Variants in ZNF385B observed in about 807,000 individuals in gnomAD.
The protein encoded by ZNF385B is zinc finger protein 533.
Under a neutral mutation model 39.2 loss-of-function variants are expected in ZNF385B, and 23 were observed. That is an observed-to-expected ratio of 0.59 (90% confidence interval 0.42 to 0.83). ZNF385B has a LOEUF of 0.83. Among genes scored for constraint, ZNF385B ranks in the 40% least tolerant of loss-of-function variants. ZNF385B has a pLI of 0.00. For synonymous variants in ZNF385B, 205 were observed against 222.6 expected (o/e 0.92, Z 0.70); for missense variants, 552 against 598.9 (o/e 0.92, Z 0.82).
intron 1 of ZNF385B, among the ~76,000 whole-genome samples, chr2:179,803,481 T>C (rs1313956434): frequency 6.6e-6 from 1 of 152,174 alleles, no homozygotes; most frequent in Non-Finnish European, 1.5e-5. Flanking sequence ...ACATCAGCTG[T>C]TTATATAAAA....
At chr2:179,637,775 A>G (rs1483094066) in intron 3 of ZNF385B, among the ~76,000 whole-genome samples, 2 of 152,222 alleles carry the variant, frequency 1.3e-5, no homozygotes, top group East Asian at 1.9e-4. Flanking sequence ...CCAGAGACAG[A>G]TTGTTAATCA....
rs528535181 is a variant in ZNF385B at position 179,477,638 on chromosome 2, T to G, written c.715+5634A>C. Among the ~76,000 whole-genome samples, 4 of 152,198 alleles carry G rather than the reference T, an allele frequency of 2.6e-5. No homozygotes were observed. The East Asian group carries it at 7.7e-4, about 29-fold the overall frequency. On this transcript the variant is annotated intron_variant, in intron 6 of 9. Transcript: ENST00000410066. ...TGGAGGCAGGGCATGCCTTCTAACA[T>G]GCTGCAATGCCCTGTCTCAGTGTTA...
At chr2:179,555,484 G>A (rs2060847651) in intron 3 of ZNF385B, among the ~76,000 whole-genome samples, 1 of 149,376 alleles carries the variant, frequency 6.7e-6, no homozygotes, top group Admixed American at 6.7e-5. Flanking sequence ...TTTTCTGTAT[G>A]TTATAAATGA....
chr2:179,681,810 T>C (rs1261896567), intron 3 of ZNF385B, among the ~76,000 whole-genome samples: 1 of 152,210 alleles, frequency 6.6e-6, no homozygotes, highest in Non-Finnish European at 1.5e-5. Flanking sequence ...ACAAACTTTA[T>C]GGAAGAACGT....
chr2:179,593,393 G>C (rs957635637), intron 3 of ZNF385B, among the ~76,000 whole-genome samples: 2 of 152,018 alleles, frequency 1.3e-5, no homozygotes, highest in Non-Finnish European at 2.9e-5. Context: ...CAAGGAATAC[G>C]TTTGATGAAA....
intron 3 of ZNF385B, among the ~76,000 whole-genome samples, chr2:179,739,913 C>T (rs546200478): frequency 8.5e-5 from 13 of 152,054 alleles, no homozygotes; most frequent in African/African-American, 2.4e-4. Flanking sequence ...AAAGTAGCTA[C>T]GTACTTAAAT....
intron 6 of ZNF385B, among the ~76,000 whole-genome samples, chr2:179,477,705 G>A (rs1478058816): frequency 6.6e-6 from 1 of 152,106 alleles, no homozygotes; most frequent in Non-Finnish European, 1.5e-5. Flanking sequence ...GACATGTAAA[G>A]TCTGTAACTG....
chr2:179,706,017 G>C (rs747519258), intron 3 of ZNF385B, among the ~76,000 whole-genome samples: 1 of 152,146 alleles, frequency 6.6e-6, no homozygotes, highest in Non-Finnish European at 1.5e-5. Context: ...TACAGCAGAT[G>C]CTCCTGAAAG....
chr2:179,474,895 T>C (rs903264809), intron 6 of ZNF385B, among the ~76,000 whole-genome samples: 2 of 152,212 alleles, frequency 1.3e-5, no homozygotes, highest in Non-Finnish European at 2.9e-5. Context: ...TCTTTTACAA[T>C]CATTTCATTT....
At chr2:179,722,659 T>A (rs543865584) in intron 3 of ZNF385B, among the ~76,000 whole-genome samples, 49 of 152,176 alleles carry the variant, frequency 3.2e-4, no homozygotes, top group Admixed American at 2.7e-3. Flanking sequence ...AATCTCAAGG[T>A]AGAGAAACAC....
At chr2:179,483,640 C>T (rs997465851) in intron 5 of ZNF385B, among the ~76,000 whole-genome samples, 2 of 152,134 alleles carry the variant, frequency 1.3e-5, no homozygotes, top group East Asian at 1.9e-4. Context: ...ATACAAAGGA[C>T]CTGCATCTTT....
At chr2:179,735,766 G>A (rs1470887530) in intron 3 of ZNF385B, among the ~76,000 whole-genome samples, 1 of 150,992 alleles carries the variant, frequency 6.6e-6, no homozygotes, top group Non-Finnish European at 1.5e-5. Flanking sequence ...ATCATTCTCA[G>A]TAAACTATCT....
chr2:179,807,914 GA>G (rs1706472908), intron 1 of ZNF385B, among the ~76,000 whole-genome samples: 1 of 149,558 alleles, frequency 6.7e-6, no homozygotes, highest in East Asian at 2.0e-4. Context: ...AAGAAAGAAA[GA>G]AAGAAAGAAA....
At chr2:179,613,137 G>T (rs77654132) in intron 3 of ZNF385B, among the ~76,000 whole-genome samples, 3 of 152,250 alleles carry the variant, frequency 2.0e-5, no homozygotes, top group African/African-American at 7.2e-5. Context: ...TGGGCAATGG[G>T]CTCCCCTATG....
intron 3 of ZNF385B, among the ~76,000 whole-genome samples, chr2:179,738,072 C>T (rs1191702558): frequency 6.6e-6 from 1 of 152,178 alleles, no homozygotes; most frequent in Non-Finnish European, 1.5e-5. Flanking sequence ...GCCTAAGTCA[C>T]AATCTGCCTT....
intron 3 of ZNF385B, among the ~76,000 whole-genome samples, chr2:179,570,209 G>A (rs1333226298): frequency 6.6e-6 from 1 of 152,188 alleles, no homozygotes; most frequent in East Asian, 1.9e-4. Flanking sequence ...CAACACCAAC[G>A]TACCACTCCT....
At chr2:179,852,561 G>A (rs897436461) in intron 1 of ZNF385B, among the ~76,000 whole-genome samples, 10 of 152,086 alleles carry the variant, frequency 6.6e-5, no homozygotes, top group Admixed American at 2.0e-4. Flanking sequence ...TGCGGCAGGC[G>A]TCCAGTGGTT....
chr2:179,826,424 C>T lies in ZNF385B; in HGVS notation c.-155+34677G>A, dbSNP rs115873279. 5.7e-3 allele frequency among the ~76,000 whole-genome samples: 865 copies of T among 152,256 alleles called. 14 individuals are homozygous for T. The highest frequency in any genetic ancestry group is 0.02 in the African/African-American group (838 of 41,544). Reference sequence around the variant, plus strand: ...ACAATGAAAAGACACCATTCTAACTCTCACTTGATGACTGATTTCATTCCT... The same window carrying T: ...ACAATGAAAAGACACCATTCTAACTTTCACTTGATGACTGATTTCATTCCT... On this transcript the variant is annotated intron_variant, in intron 1 of 9. Coordinates refer to ENST00000410066, the MANE Select transcript of ZNF385B (RefSeq NM_152520.6).
chr2:179,575,254 TAATA>T, intron 3 of ZNF385B, among the ~76,000 whole-genome samples: 1 of 152,042 alleles, frequency 6.6e-6, no homozygotes, highest in Non-Finnish European at 1.5e-5. Context: ...CATCCTGTGA[TAATA>T]AAACATATAT....
Sources: allele counts gnomAD v4.1 joint callset (sites outside exome capture counted in the v4.1 genomes callset), GRCh38; gene constraint gnomAD v4.1.1; transcripts MANE v1.5; gene names NCBI Gene and HGNC (gene_info 2026-07-23, HGNC 2026-07-21).